OSBPL7: variants seen among roughly 807,000 people sequenced by gnomAD.
The protein encoded by OSBPL7 is oxysterol-binding protein-related protein 7.
In OSBPL7, 66 loss-of-function variants were observed where a neutral mutation model predicts 115.8. The observed-to-expected ratio is 0.57, with a 90% CI of 0.47 to 0.70. The LOEUF is 0.70. Ranked by LOEUF, OSBPL7 falls within the 30% of genes least tolerant of loss-of-function variation. OSBPL7 has a pLI of 0.00. For synonymous variants in OSBPL7, 441 were observed against 439.2 expected (o/e 1.00, Z -0.05); for missense variants, 902 against 1,125.5 (o/e 0.80, Z 2.84).
In OSBPL7 at chr17:47,818,340, G is replaced by A. The variant is rs771238399; in HGVS notation, c.527C>T (p.Pro176Leu). The A allele has an allele frequency of 1.2e-6, 2 of 1,614,066 alleles. No homozygotes were observed. The highest frequency in any genetic ancestry group is 1.7e-5 in the Admixed American group (1 of 60,000). Residue 176 changes from proline (P) to leucine (L), a missense_variant, in exon 7 of 23, where the codon CCT (proline) becomes CTT (leucine). Coordinates refer to ENST00000007414, the MANE Select transcript of OSBPL7 (RefSeq NM_145798.3). ...CACTTTCTCCCGCGGTCCAAGCCCA[G>A]GTAGGGCTGAGGCAGTAGCTGCTGT... ...LPTAATASAL[P>L]GLGPREKVSS... is the part of the protein sequence containing the mutation.
Position 47,813,831 on chromosome 17 carries a change from C to A in OSBPL7, c.1355G>T (p.Gly452Val), listed in dbSNP as rs758813250. Residue 452 changes from glycine (G) to valine (V), a missense_variant, in exon 15 of 23, where the codon GGG becomes GTG. Around this residue, in one of 3 missense-constraint regions of OSBPL7, gnomAD observed 667 missense variants for 788.7 expected, o/e 0.85. Coordinates refer to ENST00000007414, the MANE Select transcript of OSBPL7 (RefSeq NM_145798.3). ...LRGAERCQKG[G>V]CVPGRPMGPP... ...CCCCATGGGTCTCCCTGGAACACAC[C>A]CCCCTGGGGCCGCCCTGCCATGTCA... The A allele has an allele frequency of 1.2e-6, 2 of 1,605,854 alleles. No individual in the cohort carries two copies. Among genetic ancestry groups the A allele is most frequent in the Admixed American group, 1.7e-5 (1 of 59,524 alleles).
chr17:47,819,856 A>G (rs972464627), intron 3 of OSBPL7, 74 bp from the exon 4 acceptor site: 1 of 1,607,338 alleles, frequency 6.2e-7, no homozygotes, highest in South Asian at 1.1e-5. Context: ...CAACCACACA[A>G]ATTAGCTTTT....
chr17:47,817,152 G>A, intron 8 of OSBPL7, 104 bp downstream of exon 8: 1 of 923,818 alleles, frequency 1.1e-6, no homozygotes, highest in Non-Finnish European at 1.7e-6. Context: ...GCGATGCATG[G>A]CTCTCCAGGA....
At chr17:47,814,687 C>A (rs1439961227) in intron 13 of OSBPL7, 73 bp from the exon 14 acceptor site, 1 of 1,334,656 alleles carries the variant, frequency 7.5e-7, no homozygotes, top group Non-Finnish European at 1.1e-6. Context: ...CAGGGCCTGG[C>A]AAGAATCTGC....
chr17:47,820,702 G>A (rs1447519561), intron 1 of OSBPL7: 1 of 165,256 alleles, frequency 6.1e-6, no homozygotes, highest in Non-Finnish European at 1.3e-5. Flanking sequence ...GTGAAGCAAG[G>A]GAGTGACAGA....
rs776655795 is a variant in OSBPL7 at position 47,816,632 on chromosome 17, C to T, written c.859G>A (p.Gly287Ser). The T allele has an allele frequency of 1.4e-5, 23 of 1,613,944 alleles. No homozygotes were observed. Among genetic ancestry groups the T allele is most frequent in the Non-Finnish European group, 1.9e-5 (22 of 1,180,008 alleles). Reference sequence around the variant, plus strand: ...TCTGTGGGTGGCAGCCCACGGGTGCCCGAGGAGTCCCGAGACTCCAGGTAG... The same window carrying T: ...TCTGTGGGTGGCAGCCCACGGGTGCTCGAGGAGTCCCGAGACTCCAGGTAG... ...SRYLESRDSS[G>S]TRGLPPTDYA... Residue 287 changes from glycine (G) to serine (S), a missense_variant, in exon 10 of 23, where the codon GGC becomes AGC. Coordinates refer to ENST00000007414, the MANE Select transcript of OSBPL7 (RefSeq NM_145798.3). This position sits in a 1 kb window ranked among gnomAD's most constrained non-coding sequence, Gnocchi z 5.8.
Position 47,808,398 on chromosome 17 carries a change from G to T in OSBPL7, c.2422C>A (p.Arg808=), listed in dbSNP as rs780679700. The change falls in exon 23 of 23, where the codon CGG becomes AGG. Residue 808 remains arginine, a splice_region_variant and synonymous_variant. Coordinates refer to ENST00000007414, the MANE Select transcript of OSBPL7 (RefSeq NM_145798.3). The surrounding 1 kb of genome is among the most constrained non-coding windows in gnomAD (Gnocchi z 6.1). ...NIVHQARFFR[R]QTDSSGKEWW... is the part of the protein sequence containing the mutation. ...TCTTTCCCGCTGCTATCCGTCTGCC[G>T]CCTGGTGGGAGAAGGCGGTGGCAGT... is the stretch of plus-strand genomic sequence containing the variant. 3 of 1,613,990 alleles carry T rather than the reference G, an allele frequency of 1.9e-6. No homozygotes were observed. The highest frequency in any genetic ancestry group is 2.7e-5 in the African/African-American group (2 of 74,906).
intron 3 of OSBPL7, 36 bp downstream of exon 3, chr17:47,819,930 GCCCCC>G: frequency 3.5e-6 from 1 of 282,098 alleles, no homozygotes; most frequent in Non-Finnish European, 5.4e-6. Context: ...TTCCCACCCC[GCCCCC>G]CATGTCTGGA....
chr17:47,809,665 C>T (rs189735098), intron 18 of OSBPL7, among the ~76,000 whole-genome samples, 187 bp from the exon 19 acceptor site: 14 of 152,274 alleles, frequency 9.2e-5, no homozygotes, highest in Admixed American at 4.6e-4. Context: ...ACGTATTCAA[C>T]GAAAACATCT....
At chr17:47,821,218 G>T (rs967902648) in intron 1 of OSBPL7, among the ~76,000 whole-genome samples, 1 of 152,188 alleles carries the variant, frequency 6.6e-6, no homozygotes, top group East Asian at 1.9e-4. Flanking sequence ...GGCTCTGCAT[G>T]TGTGAGACGG....
intron 16 of OSBPL7, among the ~76,000 whole-genome samples, chr17:47,812,982 T>C (rs1026742030): frequency 5.3e-5 from 8 of 152,036 alleles, no homozygotes; most frequent in Non-Finnish European, 1.2e-4. Flanking sequence ...AGAAGGAACA[T>C]CCCATTCTCC....
chr17:47,811,038 G>A (rs537301986), intron 16 of OSBPL7, among the ~76,000 whole-genome samples: 16 of 151,684 alleles, frequency 1.1e-4, no homozygotes, highest in African/African-American at 3.9e-4. Flanking sequence ...CTTCTCACTC[G>A]CTCTTCCTCA....
At position 47,816,512 on chromosome 17, in the gene OSBPL7, C is replaced by A. The variant is rs757923379; in HGVS notation, c.929-30G>T. On this transcript the variant is annotated intron_variant, in intron 10 of 22. Coordinates refer to ENST00000007414, the MANE Select transcript of OSBPL7 (RefSeq NM_145798.3). This position sits in a 1 kb window ranked among gnomAD's most constrained non-coding sequence, Gnocchi z 5.8. ...AGGGAGTGGGGCAGACCATCAGAGTCCTCGCTCGCTCCTGTCCGCTCCCCA... is the reference window on the plus strand; with the variant it reads ...AGGGAGTGGGGCAGACCATCAGAGTACTCGCTCGCTCCTGTCCGCTCCCCA... The A allele has an allele frequency of 1.9e-6, 3 of 1,563,782 alleles. No homozygotes were observed. The Admixed American group carries it at 5.7e-5, about 29-fold the overall frequency.
In OSBPL7 at chr17:47,816,089, C is replaced by A. The variant is rs1273482757; in HGVS notation, c.1119+18G>T. On this transcript the variant is annotated intron_variant, in intron 12 of 22. Transcript: ENST00000007414. This position sits in a 1 kb window ranked among gnomAD's most constrained non-coding sequence, Gnocchi z 5.8. Reference sequence around the variant, plus strand: ...GGCACAGGAGAATCGGCCCCCACAGCCCACCCTGGCTCCTCACCTCCTCAG... The same window carrying A: ...GGCACAGGAGAATCGGCCCCCACAGACCACCCTGGCTCCTCACCTCCTCAG... 6.5e-7 allele frequency: 1 copy of A among 1,541,916 alleles called. No homozygotes were observed. Among genetic ancestry groups the A allele is most frequent in the Non-Finnish European group, 8.8e-7 (1 of 1,141,072 alleles).
intron 15 of OSBPL7, 51 bp from the exon 16 acceptor site, chr17:47,813,454 A>G: frequency 6.2e-7 from 1 of 1,609,706 alleles, no homozygotes; most frequent in East Asian, 2.2e-5. Context: ...CCGCCACCCC[A>G]AGCAAGCAAA....
In OSBPL7 at chr17:47,818,325, C is replaced by A; in HGVS notation, c.542G>T (p.Arg181Leu). 6.2e-7 allele frequency: 1 copy of A among 1,614,126 alleles called. No individual in the cohort carries two copies. The highest frequency in any genetic ancestry group is 1.1e-5 in the South Asian group (1 of 91,070). ...TASALPGLGP[R>L]EKVSSWLRDS... is the part of the protein sequence containing the mutation. ...CCTCAGCCAGGAAGACACTTTCTCC[C>A]GCGGTCCAAGCCCAGGTAGGGCTGA... Residue 181 changes from arginine to leucine, a missense_variant, in exon 7 of 23, where the codon CGG becomes CTG. Transcript: ENST00000007414.
intron 12 of OSBPL7, chr17:47,815,876 G>A (rs1425519267): frequency 6.3e-6 from 3 of 474,986 alleles, no homozygotes; most frequent in East Asian, 7.3e-5. Context: ...TGCTGAGGGT[G>A]AGAATCACTG....
At chr17:47,812,138 G>A (rs564758510) in intron 16 of OSBPL7, among the ~76,000 whole-genome samples, 25 of 152,272 alleles carry the variant, frequency 1.6e-4, no homozygotes, top group African/African-American at 5.8e-4. Flanking sequence ...TTGGAAAATA[G>A]TCTGCTTTTT....
At position 47,813,423 on chromosome 17, in the gene OSBPL7, T is replaced by C; in HGVS notation, c.1600-20A>G. 1 of 1,613,370 alleles carries C rather than the reference T, an allele frequency of 6.2e-7. No homozygotes were observed. The highest frequency in any genetic ancestry group is 1.1e-5 in the South Asian group (1 of 91,052). ...GTACACCTGTGGGGGGCAAGGAAGG[T>C]GCAGGGTACTGAGGACGGGGCCGCC... On this transcript the variant is annotated intron_variant, in intron 15 of 22. Transcript: ENST00000007414.
Sources: allele counts gnomAD v4.1 joint callset (sites outside exome capture counted in the v4.1 genomes callset), GRCh38; gene constraint gnomAD v4.1.1; regional missense constraint gnomAD v4.1.1; non-coding constraint Gnocchi (gnomAD v3.1); transcripts MANE v1.5; gene names NCBI Gene and HGNC (gene_info 2026-07-23, HGNC 2026-07-21).